The following ETV6 variants were observed in gnomAD, a reference collection of about 807,000 sequenced individuals.
ETV6 encodes transcription factor ETV6.
ETV6 carries 16 observed loss-of-function variants against 51.1 expected under a neutral mutation model. The ratio of observed to expected loss-of-function variants is 0.31; its 90% CI spans 0.21 to 0.48. The LOEUF (loss-of-function observed/expected upper bound fraction) is 0.48. Ranked by LOEUF, ETV6 falls within the 20% of genes least tolerant of loss-of-function variation. The pLI, the probability that ETV6 is intolerant of heterozygous loss-of-function variation, is 0.99. For synonymous variants in ETV6, 240 were observed against 224.1 expected (o/e 1.07, Z -0.64); for missense variants, 458 against 594.8 (o/e 0.77, Z 2.39).
chr12:11,808,732 G>A (rs1038303557), intron 2 of ETV6, among the ~76,000 whole-genome samples: 9 of 152,190 alleles, frequency 5.9e-5, no homozygotes, highest in African/African-American at 2.2e-4. Context: ...ACCAAAGAGG[G>A]TAATAGCAGG....
chr12:11,893,106 A>T lies in ETV6; in HGVS notation c.*2060A>T. 1 of 232,920 alleles carries T rather than the reference A, an allele frequency of 4.3e-6. No individual in the cohort carries two copies. The highest frequency in any genetic ancestry group is 6.1e-5 in the East Asian group (1 of 16,522). 14.4% of individuals were successfully genotyped at this position (232,920 alleles called of 1,614,324 possible). A position where few individuals can be genotyped will look rare whatever the true frequency, so the allele number is the denominator to read the frequency against. ...CACGCTGCAGGTGTCTTTTGAGAGC[A>T]TTCAGTAGGACATGGTGATCCCTAT... On this transcript the variant is annotated 3_prime_UTR_variant, in exon 8 of 8. Transcript: ENST00000396373.
chr12:11,891,652 T>TTC lies in ETV6; in HGVS notation c.*614_*615dup. On this transcript the variant is annotated 3_prime_UTR_variant, in exon 8 of 8. Coordinates refer to ENST00000396373, the MANE Select transcript of ETV6 (RefSeq NM_001987.5). The stretch of plus-strand genomic sequence containing the variant: ...TAAAATGAAAAGGAGAGCTCTCTTT[T>TTC]TCTCTCTCTTGCTCTGTTCTTCCCT... The TTC allele has an allele frequency of 1.9e-6, 1 of 526,852 alleles. No homozygotes were observed. The highest frequency in any genetic ancestry group is 2.3e-5 in the Admixed American group (1 of 42,852). The allele number at this position is 526,852 out of a possible 1,614,324, so 32.6% of individuals were successfully genotyped here.
At chr12:11,794,977 G>A (rs1463415869) in intron 2 of ETV6, among the ~76,000 whole-genome samples, 2 of 152,172 alleles carry the variant, frequency 1.3e-5, no homozygotes, top group Non-Finnish European at 2.9e-5. Context: ...GACCGTAACA[G>A]CCTTTCTCTG....
At chr12:11,849,028 T>TGG (rs1489964973) in intron 3 of ETV6, among the ~76,000 whole-genome samples, 6 of 152,238 alleles carry the variant, frequency 3.9e-5, no homozygotes, top group Non-Finnish European at 5.9e-5. Context: ...TACAGTGCTG[T>TGG]GGCGCATGCT....
At chr12:11,712,806 G>A (rs949866144) in intron 1 of ETV6, among the ~76,000 whole-genome samples, 11 of 152,284 alleles carry the variant, frequency 7.2e-5, no homozygotes, top group Middle Eastern at 3.4e-3. Flanking sequence ...TCGGTGCCAC[G>A]TCCTAGTCAA....
At chr12:11,806,669 C>G (rs1294057066) in intron 2 of ETV6, among the ~76,000 whole-genome samples, 2 of 152,186 alleles carry the variant, frequency 1.3e-5, no homozygotes, top group African/African-American at 4.8e-5. Context: ...GGCTCGTCCT[C>G]AAGGAACTTT....
chr12:11,659,429 G>T (rs1864059345), intron 1 of ETV6, among the ~76,000 whole-genome samples: 1 of 152,130 alleles, frequency 6.6e-6, no homozygotes, highest in Non-Finnish European at 1.5e-5. Flanking sequence ...CTTGAAGCAA[G>T]AGTTTAGGTT....
At chr12:11,868,774 C>G (rs1946828969) in intron 4 of ETV6, among the ~76,000 whole-genome samples, 1 of 151,910 alleles carries the variant, frequency 6.6e-6, no homozygotes, top group Non-Finnish European at 1.5e-5. Context: ...TAGAGAGAAA[C>G]CTGTAAGAAC....
At chr12:11,770,203 G>A (rs946066032) in intron 2 of ETV6, among the ~76,000 whole-genome samples, 2 of 152,098 alleles carry the variant, frequency 1.3e-5, no homozygotes, top group African/African-American at 4.8e-5. Flanking sequence ...TTGGCCTTGA[G>A]AGCCCCAGTA....
intron 2 of ETV6, among the ~76,000 whole-genome samples, chr12:11,794,662 T>C (rs1945651297): frequency 6.6e-6 from 1 of 152,232 alleles, no homozygotes; most frequent in African/African-American, 2.4e-5. Context: ...ACTCTATCAG[T>C]GCCCATTTTT....
intron 1 of ETV6, among the ~76,000 whole-genome samples, chr12:11,683,495 T>G (rs932762636): frequency 5.3e-5 from 8 of 152,222 alleles, no homozygotes; most frequent in African/African-American, 1.9e-4. Flanking sequence ...CAGAATAACT[T>G]TAATAAATAA....
At chr12:11,818,689 C>T (rs12827379) in intron 2 of ETV6, among the ~76,000 whole-genome samples, 1 of 152,004 alleles carries the variant, frequency 6.6e-6, no homozygotes, top group Non-Finnish European at 1.5e-5. Context: ...TTTCCAAGGA[C>T]AGTAGAAATG....
chr12:11,722,245 C>G (rs937983885), intron 1 of ETV6, among the ~76,000 whole-genome samples: 1 of 152,176 alleles, frequency 6.6e-6, no homozygotes, highest in Non-Finnish European at 1.5e-5. Context: ...TTTGAGTTTC[C>G]TCACCTTTTA....
At chr12:11,666,774 C>A (rs868263292) in intron 1 of ETV6, among the ~76,000 whole-genome samples, 1 of 152,224 alleles carries the variant, frequency 6.6e-6, no homozygotes, top group African/African-American at 2.4e-5. Context: ...TCCCCGAAAC[C>A]GTCACAAGTT....
intron 7 of ETV6, among the ~76,000 whole-genome samples, chr12:11,890,317 TAA>T: frequency 6.7e-6 from 1 of 149,582 alleles, no homozygotes; most frequent in African/African-American, 2.5e-5. Context: ...TCTAATTCTG[TAA>T]AAGAAAGAAC....
In ETV6 at chr12:11,717,861, A is replaced by G. The variant is rs73288764; in HGVS notation, c.34-34589A>G. Among the ~76,000 whole-genome samples the G allele has an allele frequency of 9.2e-3, 1,399 of 152,202 alleles. 22 individuals carry two copies. Among genetic ancestry groups the G allele is most frequent in the African/African-American group, 0.031 (1,275 of 41,512 alleles). On this transcript the variant is annotated intron_variant, in intron 1 of 7. Coordinates refer to ENST00000396373, the MANE Select transcript of ETV6 (RefSeq NM_001987.5). ...CCTGATCAGTGGTATCTGACCTCCA[A>G]CTACTCGCTGCAACAACCCGTTCTC...
At chr12:11,803,716 G>T (rs1219373650) in intron 2 of ETV6, among the ~76,000 whole-genome samples, 1 of 152,164 alleles carries the variant, frequency 6.6e-6, no homozygotes, top group Non-Finnish European at 1.5e-5. Context: ...TTTGCAACAT[G>T]ATTACTCCTG....
chr12:11,686,020 G>A (rs1368444226), intron 1 of ETV6, among the ~76,000 whole-genome samples: 1 of 152,138 alleles, frequency 6.6e-6, no homozygotes, highest in Admixed American at 6.5e-5. Context: ...CCCTGAATTG[G>A]ACACAAAGTA....
chr12:11,748,303 A>G (rs576249800), intron 1 of ETV6, among the ~76,000 whole-genome samples: 2 of 152,362 alleles, frequency 1.3e-5, no homozygotes, highest in Non-Finnish European at 2.9e-5. Context: ...GGCATTTATA[A>G]TGGGGATAGG....
Sources: allele counts gnomAD v4.1 joint callset (sites outside exome capture counted in the v4.1 genomes callset), GRCh38; gene constraint gnomAD v4.1.1; transcripts MANE v1.5; gene names NCBI Gene and HGNC (gene_info 2026-07-23, HGNC 2026-07-21).